RBM33: variants seen among roughly 807,000 people sequenced by gnomAD.
RBM33 encodes the protein RNA-binding protein 33.
RBM33 carries 28 observed loss-of-function variants against 132.6 expected under a neutral mutation model. The ratio of observed to expected loss-of-function variants is 0.21; its 90% CI spans 0.16 to 0.29. RBM33 has a LOEUF of 0.29. Among genes scored for constraint, RBM33 ranks in the 10% least tolerant of loss-of-function variants. The pLI is 1.00. For synonymous variants in RBM33, 634 were observed against 593.0 expected (o/e 1.07, Z -1.01); for missense variants, 1,291 against 1,518.5 (o/e 0.85, Z 2.49).
chr7:155,696,347 AAT>A (rs1218813497), intron 5 of RBM33, among the ~76,000 whole-genome samples: 1 of 152,238 alleles, frequency 6.6e-6, no homozygotes, highest in Non-Finnish European at 1.5e-5. Flanking sequence ...CTAACATCTT[AAT>A]AATCATATTG....
chr7:155,673,768 G>GCGCGCGCACACACACACACA (rs1554469952), intron 3 of RBM33, among the ~76,000 whole-genome samples: 2 of 132,962 alleles, frequency 1.5e-5, no homozygotes, highest in African/African-American at 6.5e-5. Flanking sequence ...GCGCATGCGC[G>GCGCGCGCACACACACACACA]CACACACACA....
intron 1 of RBM33, among the ~76,000 whole-genome samples, chr7:155,664,691 C>G (rs1459979813): frequency 6.6e-6 from 1 of 152,104 alleles, no homozygotes; most frequent in Non-Finnish European, 1.5e-5. Context: ...ACTAGAAAAC[C>G]TAGAATTAGG....
chr7:155,701,934 G>T lies in RBM33; in HGVS notation c.739+990G>T, dbSNP rs939231815. ...AACTCCTGACCAAGTGATCCACCCGGCTCAGCCTCCGTAAGTGCTGGGATT... is the reference window on the plus strand; with the variant it reads ...AACTCCTGACCAAGTGATCCACCCGTCTCAGCCTCCGTAAGTGCTGGGATT... On this transcript the variant is annotated intron_variant, in intron 6 of 17. Coordinates refer to ENST00000401878, the MANE Select transcript of RBM33 (RefSeq NM_053043.3). Among the ~76,000 whole-genome samples, 3 of 152,110 alleles carry T rather than the reference G, an allele frequency of 2.0e-5. No homozygotes were observed. The East Asian group carries it at 5.8e-4, about 29-fold the overall frequency.
At chr7:155,749,307 A>G (rs1801621274) in intron 14 of RBM33, among the ~76,000 whole-genome samples, 1 of 152,172 alleles carries the variant, frequency 6.6e-6, no homozygotes, top group African/African-American at 2.4e-5. Context: ...AGTGGCTATT[A>G]TTTATTGAGT....
chr7:155,655,073 A>G (rs1798455305), intron 1 of RBM33, among the ~76,000 whole-genome samples: 1 of 152,268 alleles, frequency 6.6e-6, no homozygotes, highest in South Asian at 2.1e-4. Flanking sequence ...TTTAAGGAAG[A>G]ATAAAGAAGA....
At chr7:155,756,615 A>G (rs951678233) in intron 14 of RBM33, among the ~76,000 whole-genome samples, 21 of 151,966 alleles carry the variant, frequency 1.4e-4, no homozygotes, top group Middle Eastern at 3.2e-3. Flanking sequence ...TCTGCTTGCT[A>G]TTTGTTCTGA....
intron 15 of RBM33, 125 bp from the exon 16 acceptor site, chr7:155,766,342 A>AG: frequency 4.5e-6 from 5 of 1,099,868 alleles, no homozygotes; most frequent in Non-Finnish European, 6.5e-6. Flanking sequence ...AGAAAACTAC[A>AG]GAAAATCCTG....
At chr7:155,664,431 T>TG (rs370574519) in intron 1 of RBM33, among the ~76,000 whole-genome samples, 5 of 151,844 alleles carry the variant, frequency 3.3e-5, no homozygotes, top group Non-Finnish European at 7.4e-5. Context: ...TGGCTGATTT[T>TG]TTTTTTTTTG....
At chr7:155,694,076 A>G (rs1799722847) in intron 5 of RBM33, among the ~76,000 whole-genome samples, 1 of 152,158 alleles carries the variant, frequency 6.6e-6, no homozygotes, top group Admixed American at 6.6e-5. Flanking sequence ...GACTGGCAGA[A>G]AGGGTGTTGC....
intron 14 of RBM33, among the ~76,000 whole-genome samples, chr7:155,749,455 C>T (rs762449038): frequency 1.1e-4 from 16 of 152,192 alleles, no homozygotes; most frequent in South Asian, 4.1e-4. Flanking sequence ...CTGAATCTTA[C>T]GCTCTTCACC....
chr7:155,779,413 T>C lies in RBM33; in HGVS notation c.*4372T>C, dbSNP rs17550812. 6,674 of 152,252 alleles carry C rather than the reference T, an allele frequency of 0.044. 150 individuals carry two copies. The highest frequency in any genetic ancestry group is 0.065 in the Middle Eastern group (19 of 294). The allele number at this position is 152,252 out of a possible 1,614,324, so 9.4% of individuals were successfully genotyped here. A position where few individuals can be genotyped will look rare whatever the true frequency, so the allele number is the denominator to read the frequency against. On this transcript the variant is annotated 3_prime_UTR_variant, in exon 18 of 18. Transcript: ENST00000401878. ...CGACTAGGGAGAGGCTTAGATACTT[T>C]AGTGTATTTAAAGAGCATTTCAGTT... is the stretch of plus-strand genomic sequence containing the variant.
rs371777379 is a variant in RBM33, at chr7:155,745,510, G to A, written c.2887G>A (p.Val963Met). 19 of 1,613,130 alleles carry A rather than the reference G, an allele frequency of 1.2e-5. No homozygotes were observed. The highest frequency in any genetic ancestry group is 3.3e-4 in the Middle Eastern group (2 of 6,078). Reference protein sequence around the residue: ...QGRPQDTKPGVKRTVTHRTNS... With the variant: ...QGRPQDTKPGMKRTVTHRTNS... The stretch of plus-strand genomic sequence containing the variant: ...CCGGCCCCAGGACACAAAGCCTGGC[G>A]TGAAAAGGACTGTCACGCACAGGAC... The change falls in exon 14 of 18, where the codon GTG becomes ATG. Residue 963 changes from valine to methionine, a missense_variant. Physicochemically the swap from Val to Met is conservative, Grantham distance 21. Coordinates refer to ENST00000401878, the MANE Select transcript of RBM33 (RefSeq NM_053043.3). This position sits in a 1 kb window ranked among gnomAD's most constrained non-coding sequence, Gnocchi z 4.1.
chr7:155,774,908 C>T lies in RBM33; in HGVS notation c.3465-85C>T, dbSNP rs374058770. On this transcript the variant is annotated intron_variant, in intron 17 of 17. Coordinates refer to ENST00000401878, the MANE Select transcript of RBM33 (RefSeq NM_053043.3). This position sits in a 1 kb window ranked among gnomAD's most constrained non-coding sequence, Gnocchi z 4.2. ...TGCGTTTTTATTAAACAGGACCCACCGGGCTCTTTTAGTTTCCTCCCACCT... is the reference window on the plus strand; with the variant it reads ...TGCGTTTTTATTAAACAGGACCCACTGGGCTCTTTTAGTTTCCTCCCACCT... 2.3e-5 allele frequency: 28 copies of T among 1,234,606 alleles called. No individual in the cohort carries two copies. In the Middle Eastern group the frequency reaches 6.7e-4, roughly 30 times the overall value. 76.5% of individuals were successfully genotyped at this position (1,234,606 alleles called of 1,614,324 possible). A position where few individuals can be genotyped will look rare whatever the true frequency, so the allele number is the denominator to read the frequency against.
chr7:155,763,596 A>G (rs1044104128), intron 14 of RBM33, among the ~76,000 whole-genome samples: 1 of 152,234 alleles, frequency 6.6e-6, no homozygotes, highest in African/African-American at 2.4e-5. Context: ...AGGGCATCTT[A>G]GTGTTTGAAA....
chr7:155,772,436 A>C (rs1420254226), intron 16 of RBM33, among the ~76,000 whole-genome samples: 1 of 152,220 alleles, frequency 6.6e-6, no homozygotes, highest in Non-Finnish European at 1.5e-5. Flanking sequence ...GCTAATACAC[A>C]AAAGGGGTGC....
At chr7:155,710,144 C>G (rs1413061751) in intron 7 of RBM33, among the ~76,000 whole-genome samples, 1 of 152,180 alleles carries the variant, frequency 6.6e-6, no homozygotes, top group Admixed American at 6.5e-5. Context: ...AATTTAGAAG[C>G]CCTCCGTAAT....
At chr7:155,651,582 CAAAAAA>C (rs34693646) in intron 1 of RBM33, among the ~76,000 whole-genome samples, 4 of 94,572 alleles carry the variant, frequency 4.2e-5, no homozygotes, top group East Asian at 6.5e-4. Flanking sequence ...TTTGTCTCAC[CAAAAAA>C]AAAAAAAAAA....
At chr7:155,730,441 A>C (rs575398466) in intron 9 of RBM33, among the ~76,000 whole-genome samples, 6 of 152,338 alleles carry the variant, frequency 3.9e-5, no homozygotes, top group African/African-American at 1.2e-4. Context: ...TGATAACGAC[A>C]TGTATGGTGA....
At chr7:155,773,457 A>G (rs192242236) in intron 16 of RBM33, among the ~76,000 whole-genome samples, 86 of 150,504 alleles carry the variant, frequency 5.7e-4, no homozygotes, top group African/African-American at 2.0e-3. Flanking sequence ...AATCCCAGCT[A>G]CTTGGGAGGC....
Sources: allele counts gnomAD v4.1 joint callset (sites outside exome capture counted in the v4.1 genomes callset), GRCh38; gene constraint gnomAD v4.1.1; non-coding constraint Gnocchi (gnomAD v3.1); transcripts MANE v1.5; gene names NCBI Gene and HGNC (gene_info 2026-07-23, HGNC 2026-07-21).